SBK1: variants seen among roughly 807,000 people sequenced by gnomAD.
The protein encoded by SBK1 is SH3 domain binding kinase 1, also known as serine/threonine-protein kinase SBK1.
A neutral mutation model predicts 24.4 loss-of-function variants in SBK1; 11 were observed. The observed-to-expected ratio is 0.45, with a 90% confidence interval of 0.28 to 0.75. The LOEUF (loss-of-function observed/expected upper bound fraction) is 0.75, where lower values mean the gene tolerates loss of function less well. SBK1 is among the 30% of genes least tolerant of loss of function. The pLI, the probability that SBK1 is intolerant of heterozygous loss-of-function variation, is 0.12. For synonymous variants in SBK1, 308 were observed against 284.4 expected (o/e 1.08, Z -0.83); for missense variants, 467 against 620.5 (o/e 0.75, Z 2.63).
intron 1 of SBK1, among the ~76,000 whole-genome samples, chr16:28,261,935 G>C (rs2044400296): frequency 6.6e-6 from 1 of 152,216 alleles, no homozygotes; most frequent in Non-Finnish European, 1.5e-5. Context: ...TGCCCTGGGA[G>C]TATGGTAGCC....
intron 1 of SBK1, among the ~76,000 whole-genome samples, chr16:28,279,452 G>A (rs1173002909): frequency 6.6e-6 from 1 of 151,036 alleles, no homozygotes; most frequent in Admixed American, 6.6e-5. Context: ...CACAGGCTGG[G>A]AGAAAGAGAC....
intron 1 of SBK1, 52 bp downstream of exon 1, chr16:28,293,352 A>T: frequency 2.3e-6 from 2 of 884,094 alleles, no homozygotes; most frequent in Non-Finnish European, 2.7e-6. Flanking sequence ...CGAGGTCCCC[A>T]TAGCCCTGCA....
rs938593120 is a variant in SBK1 at position 28,259,382 on chromosome 16, T to C, written c.137T>C (p.Val46Ala). The change falls in exon 1 of 4, where the codon GTC becomes GCC. Residue 46 changes from valine to alanine, a missense_variant. Transcript: ENST00000671413. This position sits in a 1 kb window ranked among gnomAD's most constrained non-coding sequence, Gnocchi z 6.0. ...GCCACCCCTGGCCACCCCTGCCCTG[T>C]CCTGGAGCTGCCTCCGGCCTGGCCC... The C allele has an allele frequency of 5.3e-6, 5 of 946,844 alleles. No homozygotes were observed. Among genetic ancestry groups the C allele is most frequent in the Non-Finnish European group, 6.3e-6 (5 of 794,858 alleles). 58.7% of individuals were successfully genotyped at this position (946,844 alleles called of 1,614,324 possible).
intron 1 of SBK1, among the ~76,000 whole-genome samples, chr16:28,309,436 C>T (rs1010448011): frequency 1.4e-4 from 21 of 152,262 alleles, no homozygotes; most frequent in Admixed American, 5.2e-4. Context: ...TAACTATGGG[C>T]GGATCATCCA....
intron 1 of SBK1, among the ~76,000 whole-genome samples, chr16:28,315,200 T>A (rs764293553): frequency 1.4e-5 from 2 of 144,368 alleles, no homozygotes; most frequent in Non-Finnish European, 3.0e-5. Context: ...GAGAAATGAA[T>A]GCCCAGAGTG....
intron 1 of SBK1, among the ~76,000 whole-genome samples, chr16:28,280,114 A>AATATATATATATATAT (rs2044520484): frequency 3.1e-5 from 1 of 31,810 alleles, no homozygotes; most frequent in African/African-American, 1.1e-4. Context: ...TTTGAAAAAA[A>AATATATATATATATAT]CTATATATAT....
upstream of SBK1, among the ~76,000 whole-genome samples, chr16:28,287,686 CAG>C (rs745382829): frequency 1.3e-5 from 2 of 152,060 alleles, no homozygotes; most frequent in African/African-American, 2.4e-5. Flanking sequence ...TTTTGAAAGA[CAG>C]AGTTTCACTC....
intron 1 of SBK1, among the ~76,000 whole-genome samples, chr16:28,313,162 G>T (rs1309330199): frequency 6.6e-6 from 1 of 152,142 alleles, no homozygotes; most frequent in African/African-American, 2.4e-5. Context: ...GGGCGTGGTG[G>T]CACGTGCCTG....
At chr16:28,301,609 G>A (rs1417866939) in intron 1 of SBK1, among the ~76,000 whole-genome samples, 1 of 152,204 alleles carries the variant, frequency 6.6e-6, no homozygotes, top group Non-Finnish European at 1.5e-5. Flanking sequence ...TCCCTACAGT[G>A]CCTTCTGCCT....
intron 1 of SBK1, among the ~76,000 whole-genome samples, chr16:28,269,844 C>A (rs1032519687): frequency 2.0e-5 from 3 of 151,982 alleles, no homozygotes; most frequent in Admixed American, 6.6e-5. Context: ...CCACTGCACT[C>A]CAGCCTGGGT....
Position 28,292,548 on chromosome 16 carries a change from G to C in SBK1, c.-760G>C, listed in dbSNP as rs977872067. On this transcript the variant is annotated 5_prime_UTR_variant, in exon 1 of 4. Transcript: ENST00000341901. ...GCGATGCCGCGATGGAGCGCAGCCC[G>C]GGCGGGCGCCGGGGCCGGGGCCCGA... The C allele has an allele frequency of 3.2e-5, 31 of 979,396 alleles. No homozygotes were observed. Among genetic ancestry groups the C allele is most frequent in the South Asian group, 9.3e-5 (2 of 21,536 alleles). 60.7% of individuals were successfully genotyped at this position (979,396 alleles called of 1,614,324 possible). A position where few individuals can be genotyped will look rare whatever the true frequency, so the allele number is the denominator to read the frequency against.
At chr16:28,287,286 CAAA>C (rs56232453) in intron 1 of SBK1, among the ~76,000 whole-genome samples, 3 of 124,874 alleles carry the variant, frequency 2.4e-5, no homozygotes, top group African/African-American at 9.2e-5. Flanking sequence ...ACTAAAAATA[CAAA>C]AAAAAAAAAA....
At chr16:28,273,291 G>T (rs1376251222) in intron 1 of SBK1, among the ~76,000 whole-genome samples, 1 of 151,802 alleles carries the variant, frequency 6.6e-6, no homozygotes, top group East Asian at 1.9e-4. Context: ...CGCAGTCTCG[G>T]CTCACTGCAA....
rs77200781 is a variant in SBK1, at chr16:28,262,827, G to A, written c.257+3325G>A. Among the ~76,000 whole-genome samples the A allele has an allele frequency of 1.8e-3, 279 of 152,274 alleles. 1 individual carries two copies. The highest frequency in any genetic ancestry group is 6.4e-3 in the African/African-American group (266 of 41,576). On this transcript the variant is annotated intron_variant, in intron 1 of 3. Coordinates refer to the SBK1 transcript ENST00000671413. ...GTTGGAATAAATAAGCTTGGCAATCGTAATGGCTTAACACAGAAGAGCCTT... is the reference window on the plus strand; with the variant it reads ...GTTGGAATAAATAAGCTTGGCAATCATAATGGCTTAACACAGAAGAGCCTT...
upstream of SBK1, among the ~76,000 whole-genome samples, chr16:28,287,873 C>G (rs2044576521): frequency 6.6e-6 from 1 of 152,112 alleles, no homozygotes; most frequent in Non-Finnish European, 1.5e-5. Flanking sequence ...CATGTTGGCC[C>G]AGGCTGGTCT....
chr16:28,277,553 T>C (rs2044501710), intron 1 of SBK1, among the ~76,000 whole-genome samples: 1 of 152,174 alleles, frequency 6.6e-6, no homozygotes, highest in Non-Finnish European at 1.5e-5. Context: ...TGCTCGTCTG[T>C]AGTCCTGAGG....
At chr16:28,261,805 G>A (rs1290474276) in intron 1 of SBK1, among the ~76,000 whole-genome samples, 10 of 152,218 alleles carry the variant, frequency 6.6e-5, no homozygotes, top group Admixed American at 2.6e-4. Context: ...GGAAGCCCCA[G>A]AAAGAGACAG....
intron 1 of SBK1, among the ~76,000 whole-genome samples, chr16:28,302,588 T>C (rs1467216414): frequency 6.6e-6 from 1 of 152,076 alleles, no homozygotes; most frequent in Non-Finnish European, 1.5e-5. Flanking sequence ...GGCGGGCAGG[T>C]GCCACCCCTC....
intron 1 of SBK1, among the ~76,000 whole-genome samples, chr16:28,265,771 C>T (rs977360442): frequency 3.3e-5 from 5 of 151,538 alleles, no homozygotes; most frequent in South Asian, 2.1e-4. Context: ...GTCAGGAGTT[C>T]GAGACCAGCC....
Sources: allele counts gnomAD v4.1 joint callset (sites outside exome capture counted in the v4.1 genomes callset), GRCh38; gene constraint gnomAD v4.1.1; non-coding constraint Gnocchi (gnomAD v3.1); transcripts MANE v1.5; gene names NCBI Gene and HGNC (gene_info 2026-07-23, HGNC 2026-07-21).